Variants in CNGA3 observed in about 807,000 individuals in gnomAD.
The protein encoded by CNGA3 is cyclic nucleotide gated channel subunit alpha 3.
CNGA3 carries 42 observed loss-of-function variants against 46.6 expected under a neutral mutation model. The observed-to-expected ratio is 0.90, with a 90% CI of 0.70 to 1.17. The LOEUF (loss-of-function observed/expected upper bound fraction) is 1.17. Ranked by LOEUF, CNGA3 falls within the 50% of genes most tolerant of loss-of-function variation. The pLI, the probability that CNGA3 is intolerant of heterozygous loss-of-function variation, is 0.00. For missense variants in CNGA3, 893 were observed against 890.7 expected (o/e 1.00, Z -0.03); for synonymous variants, 394 against 369.4 (o/e 1.07, Z -0.76).
intron 4 of CNGA3, among the ~76,000 whole-genome samples, chr2:98,382,962 G>A (rs1292477366): frequency 6.6e-6 from 1 of 152,192 alleles, no homozygotes; most frequent in Non-Finnish European, 1.5e-5. Flanking sequence ...TCCATCCTGG[G>A]GCAGAAGGTG....
chr2:98,375,270 T>C (rs1403980655), intron 2 of CNGA3, among the ~76,000 whole-genome samples: 1 of 152,256 alleles, frequency 6.6e-6, no homozygotes, highest in African/African-American at 2.4e-5. Context: ...GGAACCAGAC[T>C]ACGCTAAAAC....
chr2:98,353,354 T>C (rs542103470), intron 1 of CNGA3, among the ~76,000 whole-genome samples: 18 of 152,312 alleles, frequency 1.2e-4, no homozygotes, highest in Admixed American at 7.8e-4. Context: ...TGTAATAATT[T>C]TTATTTCCTC....
intron 1 of CNGA3, among the ~76,000 whole-genome samples, chr2:98,368,805 C>T (rs1033698657): frequency 6.6e-6 from 1 of 152,146 alleles, no homozygotes; most frequent in Non-Finnish European, 1.5e-5. Flanking sequence ...GATTGGCTGG[C>T]TTAGGGATGA....
intron 1 of CNGA3, among the ~76,000 whole-genome samples, chr2:98,362,992 G>C (rs1390095688): frequency 6.6e-6 from 1 of 152,032 alleles, no homozygotes; most frequent in Non-Finnish European, 1.5e-5. Flanking sequence ...GAGTTTTCTA[G>C]TCTGTTCCAT....
At chr2:98,395,167 C>T (rs910270676) in intron 7 of CNGA3, among the ~76,000 whole-genome samples, 9 of 151,996 alleles carry the variant, frequency 5.9e-5, no homozygotes, top group African/African-American at 1.7e-4. Context: ...GATCTGCCTC[C>T]GTCACTTTTT....
intron 2 of CNGA3, among the ~76,000 whole-genome samples, chr2:98,371,286 C>T (rs1038981640): frequency 2.0e-5 from 3 of 152,208 alleles, no homozygotes; most frequent in African/African-American, 7.2e-5. Context: ...AGTAACATCC[C>T]TCAGTCCCCA....
chr2:98,380,443 C>A, intron 4 of CNGA3, 89 bp downstream of exon 4: 1 of 1,488,886 alleles, frequency 6.7e-7, no homozygotes. Context: ...TTGGATGCAG[C>A]ACAGGTGGCC....
At chr2:98,391,149 T>C (rs1692777888) in intron 6 of CNGA3, among the ~76,000 whole-genome samples, 1 of 152,250 alleles carries the variant, frequency 6.6e-6, no homozygotes, top group Non-Finnish European at 1.5e-5. Context: ...GGCTTTCGAT[T>C]ATTCGAGCAT....
At chr2:98,357,670 T>C (rs1244987354) in intron 1 of CNGA3, among the ~76,000 whole-genome samples, 1 of 152,160 alleles carries the variant, frequency 6.6e-6, no homozygotes, top group Non-Finnish European at 1.5e-5. Context: ...CAGGGGGACA[T>C]GCTAGATTTA....
intron 1 of CNGA3, among the ~76,000 whole-genome samples, chr2:98,365,729 G>A (rs1175040290): frequency 2.0e-5 from 3 of 151,984 alleles, no homozygotes; most frequent in East Asian, 3.9e-4. Flanking sequence ...TTCTCGTGTT[G>A]TGTTTTTCAG....
intron 5 of CNGA3, 57 bp from the exon 6 acceptor site, chr2:98,389,601 C>T (rs1033510015): frequency 1.3e-6 from 2 of 1,517,080 alleles, no homozygotes; most frequent in South Asian, 1.1e-5. Flanking sequence ...CTCTAAAACC[C>T]TCCAAAGCTA....
intron 1 of CNGA3, among the ~76,000 whole-genome samples, chr2:98,357,217 T>G (rs1394401885): frequency 6.6e-6 from 1 of 152,178 alleles, no homozygotes; most frequent in Non-Finnish European, 1.5e-5. Flanking sequence ...TACAGTGAGC[T>G]GCGTTAAATG....
At chr2:98,383,602 G>C (rs1253192178) in intron 5 of CNGA3, among the ~76,000 whole-genome samples, 161 bp downstream of exon 5, 1 of 152,182 alleles carries the variant, frequency 6.6e-6, no homozygotes, top group African/African-American at 2.4e-5. Flanking sequence ...TTCCATCCCT[G>C]TGGACAGAAG....
intron 1 of CNGA3, among the ~76,000 whole-genome samples, chr2:98,357,241 G>A (rs370711878): frequency 6.6e-6 from 1 of 152,160 alleles, no homozygotes; most frequent in South Asian, 2.1e-4. Flanking sequence ...GACTACTCAG[G>A]CGTCCGGGCC....
intron 1 of CNGA3, among the ~76,000 whole-genome samples, chr2:98,350,568 A>C (rs1322929782): frequency 6.6e-6 from 1 of 152,200 alleles, no homozygotes; most frequent in African/African-American, 2.4e-5. Flanking sequence ...TTTACAAAGC[A>C]GCAATTCCAA....
In CNGA3 at chr2:98,396,880, C is replaced by A. The variant is rs1692931872; in HGVS notation, c.1710C>A (p.Ser570Arg). ...ACCGCAGGACGGCCAACATCCGCAG[C>A]ATTGGCTACTCAGACCTGTTCTGCC... The part of the protein sequence containing the change: ...SGNRRTANIR[S>R]IGYSDLFCLS... Residue 570 changes from serine (S) to arginine (R), a missense_variant, in exon 8 of 8, where the codon AGC becomes AGA. Transcript: ENST00000272602. 2 of 1,614,176 alleles carry A rather than the reference C, an allele frequency of 1.2e-6. No individual in the cohort carries two copies. The highest frequency in any genetic ancestry group is 1.1e-5 in the South Asian group (1 of 91,084).
At chr2:98,355,620 C>T (rs1356983772) in intron 1 of CNGA3, among the ~76,000 whole-genome samples, 5 of 152,166 alleles carry the variant, frequency 3.3e-5, no homozygotes, top group Non-Finnish European at 1.5e-5. Context: ...GTCTTCTGTA[C>T]CAAACTTTAA....
rs1392958046 is a variant in CNGA3, at chr2:98,367,181, TTTTC to T, written c.-37-2754_-37-2751del. 5.9e-3 allele frequency among the ~76,000 whole-genome samples: 760 copies of T among 128,472 alleles called. 32 individuals are homozygous for T. Among genetic ancestry groups the T allele is most frequent in the African/African-American group, 0.02 (700 of 35,734 alleles). The allele number at this position is 128,472 out of a possible 152,430, so 84.3% of individuals were successfully genotyped here. On this transcript the variant is annotated intron_variant, in intron 1 of 7. Coordinates refer to ENST00000272602, the MANE Select transcript of CNGA3 (RefSeq NM_001298.3). Reference sequence around the variant, plus strand: ...TGACATCAGCTGTTTTTTTTCTTTTTTTTCTTTTTTTTTTTTTTTTATTGAGACA... The same window carrying T: ...TGACATCAGCTGTTTTTTTTCTTTTTTTTTTTTTTTTTTTTTATTGAGACA...
intron 1 of CNGA3, among the ~76,000 whole-genome samples, chr2:98,355,662 T>TA (rs1691864473): frequency 6.6e-6 from 1 of 152,246 alleles, no homozygotes. Context: ...AATTAACTTG[T>TA]GTCCCACTAA....
Sources: allele counts gnomAD v4.1 joint callset (sites outside exome capture counted in the v4.1 genomes callset), GRCh38; gene constraint gnomAD v4.1.1; transcripts MANE v1.5; gene names NCBI Gene and HGNC (gene_info 2026-07-23, HGNC 2026-07-21).